The following COL26A1 variants were observed in gnomAD, a reference collection of about 807,000 sequenced individuals.
COL26A1 encodes the protein collagen alpha-1(XXVI) chain.
A neutral mutation model predicts 59.3 loss-of-function variants in COL26A1; 41 were observed. The observed-to-expected ratio is 0.69, with a 90% CI of 0.54 to 0.90. The LOEUF (loss-of-function observed/expected upper bound fraction) is 0.90, where lower values mean the gene tolerates loss of function less well. Among genes scored for constraint, COL26A1 ranks in the 40% least tolerant of loss-of-function variants. The probability of loss-of-function intolerance (pLI) is 0.00; values close to 1 mark genes in which losing one functional copy is unlikely to be tolerated. For missense variants in COL26A1, 612 were observed against 602.3 expected, an observed-to-expected ratio of 1.02 and a Z score of -0.17; for synonymous variants, 266 against 256.0, an observed-to-expected ratio of 1.04 and a Z score of -0.37.
chr7:101,557,661 G>A lies in COL26A1; in HGVS notation c.*131G>A, dbSNP rs1354046331. On this transcript the variant is annotated 3_prime_UTR_variant, in exon 13 of 13. Coordinates refer to ENST00000313669, the MANE Select transcript of COL26A1 (RefSeq NM_001278563.3). ...ATGGATGATTGTGAGGACATGGGGG[G>A]CTTTGGGGACAGATAATGTCTCCAG... is the stretch of plus-strand genomic sequence containing the variant. 6 of 936,712 alleles carry A rather than the reference G, an allele frequency of 6.4e-6. No individual in the cohort carries two copies. Among genetic ancestry groups the A allele is most frequent in the Non-Finnish European group, 4.6e-6 (3 of 648,704 alleles). The allele number at this position is 936,712 out of a possible 1,614,324, so 58.0% of individuals were successfully genotyped here.
intron 1 of COL26A1, among the ~76,000 whole-genome samples, chr7:101,415,148 A>ACC (rs66481106): frequency 5.6e-5 from 8 of 142,466 alleles, no homozygotes; most frequent in East Asian, 2.1e-4. Context: ...CCTGATCATA[A>ACC]CCCCCCCCCT....
At position 101,540,829 on chromosome 7, in the gene COL26A1, G is replaced by T. The variant is rs370193614; in HGVS notation, c.604+780G>T. 1.4e-4 allele frequency among the ~76,000 whole-genome samples: 21 copies of T among 152,054 alleles called. No individual in the cohort carries two copies. The East Asian group carries it at 1.9e-3, about 14-fold the overall frequency. ...TGCAATCCAGCCTGGAAGACGGGGTGAAACCCTGTCTCAAAAAAATAGATG... is the reference window on the plus strand; with the variant it reads ...TGCAATCCAGCCTGGAAGACGGGGTTAAACCCTGTCTCAAAAAAATAGATG... On this transcript the variant is annotated intron_variant, in intron 5 of 12. Transcript: ENST00000313669.
rs568843879 is a variant in COL26A1 at position 101,449,866 on chromosome 7, G to A, written c.385+2079G>A. 2.2e-3 allele frequency among the ~76,000 whole-genome samples: 334 copies of A among 152,264 alleles called. 1 individual carries two copies. The highest frequency in any genetic ancestry group is 7.6e-3 in the African/African-American group (316 of 41,548). ...AGGATGGGCGTGGTGGCTCATGCCT[G>A]TAATCCCAGCACTTTGGGAGGCTGA... On this transcript the variant is annotated intron_variant, in intron 3 of 12. Transcript: ENST00000313669.
intron 3 of COL26A1, among the ~76,000 whole-genome samples, chr7:101,463,944 C>A (rs1212013510): frequency 8.7e-6 from 1 of 114,506 alleles, no homozygotes; most frequent in African/African-American, 3.5e-5. Flanking sequence ...CTTTCTTAAT[C>A]TTTCTCTCTC....
rs1326513350 is a variant in COL26A1, at chr7:101,545,594, C to G, written c.856+104C>G. ...CCTGGGAAGTGGACCCCACCACATG[C>G]CCATCCTGCTGCACCCAACTGGCTC... On this transcript the variant is annotated intron_variant, in intron 7 of 12. Coordinates refer to ENST00000313669, the MANE Select transcript of COL26A1 (RefSeq NM_001278563.3). 2.4e-6 allele frequency: 3 copies of G among 1,249,920 alleles called. No individual in the cohort carries two copies. The East Asian group carries it at 8.6e-5, about 36-fold the overall frequency. The allele number at this position is 1,249,920 out of a possible 1,614,324, so 77.4% of individuals were successfully genotyped here.
At chr7:101,369,949 G>A (rs545360874) in intron 1 of COL26A1, among the ~76,000 whole-genome samples, 16 of 152,050 alleles carry the variant, frequency 1.1e-4, no homozygotes, top group South Asian at 4.2e-4. Flanking sequence ...CGCAACTTCC[G>A]CCTCCCAGGT....
At chr7:101,443,286 C>T (rs1584411664) in intron 2 of COL26A1, among the ~76,000 whole-genome samples, 1 of 152,118 alleles carries the variant, frequency 6.6e-6, no homozygotes, top group South Asian at 2.1e-4. Flanking sequence ...CCTCCTGTCC[C>T]AGCTGCACAC....
intron 3 of COL26A1, among the ~76,000 whole-genome samples, chr7:101,511,150 C>T (rs1794915542): frequency 6.6e-6 from 1 of 152,102 alleles, no homozygotes; most frequent in African/African-American, 2.4e-5. Flanking sequence ...GATCCACCCG[C>T]CTCGGCCTCC....
chr7:101,483,447 C>T (rs887424541), intron 3 of COL26A1, among the ~76,000 whole-genome samples: 101 of 152,210 alleles, frequency 6.6e-4, no homozygotes, highest in Non-Finnish European at 9.1e-4. Context: ...CCACCCACCT[C>T]AGCCTCCCAA....
At chr7:101,488,187 A>G (rs901344239) in intron 3 of COL26A1, among the ~76,000 whole-genome samples, 1 of 150,774 alleles carries the variant, frequency 6.6e-6, no homozygotes, top group Non-Finnish European at 1.5e-5. Flanking sequence ...AGGCTGAGGC[A>G]CAAGAATCGC....
At chr7:101,497,663 A>G (rs890798562) in intron 3 of COL26A1, among the ~76,000 whole-genome samples, 4 of 151,414 alleles carry the variant, frequency 2.6e-5, no homozygotes, top group East Asian at 1.9e-4. Flanking sequence ...GCAACAGAGC[A>G]AGACCCTGCC....
intron 3 of COL26A1, among the ~76,000 whole-genome samples, chr7:101,505,583 G>A (rs1305754781): frequency 3.3e-5 from 5 of 152,194 alleles, no homozygotes; most frequent in Non-Finnish European, 5.9e-5. Context: ...CTGGTAGTCC[G>A]ATGTTCGAGG....
intron 1 of COL26A1, among the ~76,000 whole-genome samples, chr7:101,392,359 T>G (rs926001205): frequency 2.0e-5 from 3 of 151,144 alleles, no homozygotes; most frequent in Admixed American, 6.6e-5. Context: ...AGCAGGTGCC[T>G]TCCGTACCAG....
At chr7:101,450,339 G>A (rs1054460389) in intron 3 of COL26A1, among the ~76,000 whole-genome samples, 1 of 152,114 alleles carries the variant, frequency 6.6e-6, no homozygotes, top group African/African-American at 2.4e-5. Context: ...CTGTGGCTTA[G>A]GTACATGGAC....
At chr7:101,503,300 C>T (rs561950151) in intron 3 of COL26A1, among the ~76,000 whole-genome samples, 155 of 152,298 alleles carry the variant, frequency 1.0e-3, no homozygotes, top group African/African-American at 3.6e-3. Context: ...GAAATATAAA[C>T]AGCACTTCTC....
intron 3 of COL26A1, among the ~76,000 whole-genome samples, chr7:101,447,990 G>A (rs1414912473): frequency 6.6e-6 from 1 of 152,236 alleles, no homozygotes; most frequent in East Asian, 1.9e-4. Context: ...CGTGGGCACC[G>A]AGGCAGGTCC....
At chr7:101,377,751 A>C (rs1243233879) in intron 1 of COL26A1, among the ~76,000 whole-genome samples, 2 of 152,198 alleles carry the variant, frequency 1.3e-5, no homozygotes, top group African/African-American at 4.8e-5. Context: ...AAGGACCCAC[A>C]GTTAAGCCAG....
At chr7:101,526,010 A>T (rs947798967) in intron 3 of COL26A1, among the ~76,000 whole-genome samples, 3 of 151,812 alleles carry the variant, frequency 2.0e-5, no homozygotes, top group African/African-American at 7.3e-5. Flanking sequence ...GTATCTTTTT[A>T]GCTGGAGCAG....
chr7:101,508,702 G>A (rs559746551), intron 3 of COL26A1, among the ~76,000 whole-genome samples: 134 of 152,064 alleles, frequency 8.8e-4, no homozygotes, highest in African/African-American at 2.8e-3. Context: ...AAACCTGACC[G>A]TAAGGTCTTT....
Sources: allele counts gnomAD v4.1 joint callset (sites outside exome capture counted in the v4.1 genomes callset), GRCh38; gene constraint gnomAD v4.1.1; transcripts MANE v1.5; gene names NCBI Gene and HGNC (gene_info 2026-07-23, HGNC 2026-07-21).